The following SMC3 variants were observed in gnomAD, a reference collection of about 807,000 sequenced individuals.
The protein encoded by SMC3 is structural maintenance of chromosomes protein 3.
A neutral mutation model predicts 171.8 loss-of-function variants in SMC3; 20 were observed. That is an observed-to-expected ratio of 0.12 (90% CI 0.08 to 0.17). The LOEUF (loss-of-function observed/expected upper bound fraction) is 0.17. Ranked by LOEUF, SMC3 falls within the 10% of genes least tolerant of loss-of-function variation. The pLI, the probability that SMC3 is intolerant of heterozygous loss-of-function variation, is 1.00. For synonymous variants in SMC3, 464 were observed against 451.1 expected (o/e 1.03, Z -0.36); for missense variants, 543 against 1,420.4 (o/e 0.38, Z 9.93).
intron 13 of SMC3, among the ~76,000 whole-genome samples, chr10:110,587,705 AAG>A (rs1491221685): frequency 6.7e-6 from 1 of 149,356 alleles, no homozygotes; most frequent in South Asian, 2.2e-4. Context: ...AAAAAAAAAA[AAG>A]AAATATTGTA....
At chr10:110,590,326 A>G (rs1444600476) in intron 15 of SMC3, 86 bp from the exon 16 acceptor site, 1 of 1,146,946 alleles carries the variant, frequency 8.7e-7, no homozygotes, top group Non-Finnish European at 1.3e-6. Flanking sequence ...TATATTTTTA[A>G]AATGTATGGT....
intron 16 of SMC3, 39 bp from the exon 17 acceptor site, chr10:110,590,952 A>T (rs756990606): frequency 6.3e-7 from 1 of 1,598,940 alleles, no homozygotes. Flanking sequence ...GGAGACCCTG[A>T]GTACCAATAA....
At position 110,602,986 on chromosome 10, in the gene SMC3, C is replaced by T. The variant is rs745460340; in HGVS notation, c.3459C>T (p.His1153=). The change falls in exon 27 of 29, where the codon CAC becomes CAT. Residue 1153 remains histidine, a synonymous_variant. Transcript: ENST00000361804. ...DEIDQALDAQ[H]RKAVSDMIME... ...TTGACCAGGCTCTGGATGCTCAGCACAGAAAGGCTGTGTCAGGTACAGTTT... is the reference window on the plus strand; with the variant it reads ...TTGACCAGGCTCTGGATGCTCAGCATAGAAAGGCTGTGTCAGGTACAGTTT... 2 of 1,614,096 alleles carry T rather than the reference C, an allele frequency of 1.2e-6. No individual in the cohort carries two copies. The highest frequency in any genetic ancestry group is 2.2e-5 in the East Asian group (1 of 44,870).
chr10:110,570,850 GA>G (rs2134710225), intron 2 of SMC3, among the ~76,000 whole-genome samples: 1 of 152,262 alleles, frequency 6.6e-6, no homozygotes, highest in South Asian at 2.1e-4. Context: ...TAACAGTACT[GA>G]TTAAACATAT....
At chr10:110,590,758 T>C (rs576283618) in intron 16 of SMC3, among the ~76,000 whole-genome samples, 186 bp downstream of exon 16, 17 of 152,388 alleles carry the variant, frequency 1.1e-4, no homozygotes, top group Non-Finnish European at 2.4e-4. Flanking sequence ...CTTTCCTCTT[T>C]TGGGAGTTTC....
At chr10:110,603,342 TTG>T in intron 28 of SMC3, 52 bp downstream of exon 28, 1 of 1,139,192 alleles carries the variant, frequency 8.8e-7, no homozygotes, top group South Asian at 1.3e-5. Flanking sequence ...ATTATATTTG[TTG>T]AATTCTGATT....
chr10:110,596,649 T>C, intron 19 of SMC3, 99 bp downstream of exon 19: 1 of 1,175,916 alleles, frequency 8.5e-7, no homozygotes, highest in Non-Finnish European at 1.2e-6. Context: ...ATTAAAAATT[T>C]CTTGTGTTTT....
In SMC3 at chr10:110,603,448, G is replaced by GT. The variant is rs142390885; in HGVS notation, c.3582+161dup. The stretch of plus-strand genomic sequence containing the variant: ...AACTTTTCCTTCAAATAACTATGAA[G>GT]TTTAGCAGTATTTTATGGCGTTGCA... On this transcript the variant is annotated intron_variant, in intron 28 of 28. Coordinates refer to ENST00000361804, the MANE Select transcript of SMC3 (RefSeq NM_005445.4). Among the ~76,000 whole-genome samples, 9,062 of 152,222 alleles carry GT rather than the reference G, an allele frequency of 0.06. 356 individuals are homozygous for GT. Among genetic ancestry groups the GT allele is most frequent in the African/African-American group, 0.11 (4,446 of 41,530 alleles).
intron 2 of SMC3, among the ~76,000 whole-genome samples, chr10:110,570,453 C>CT (rs1226590120): frequency 3.3e-5 from 5 of 151,848 alleles, no homozygotes; most frequent in Admixed American, 3.3e-4. Flanking sequence ...TGCTTGTGCT[C>CT]TGTCTACTGA....
At chr10:110,589,844 TC>T in intron 14 of SMC3, 47 bp from the exon 15 acceptor site, 1 of 1,556,828 alleles carries the variant, frequency 6.4e-7, no homozygotes, top group Non-Finnish European at 8.9e-7. Context: ...TGTTAATGCA[TC>T]CTCATATGTG....
At chr10:110,571,634 C>G (rs1470917358) in intron 2 of SMC3, among the ~76,000 whole-genome samples, 2 of 152,124 alleles carry the variant, frequency 1.3e-5, no homozygotes, top group African/African-American at 4.8e-5. Flanking sequence ...TTGAATCTAC[C>G]AGAGGTATTA....
intron 13 of SMC3, among the ~76,000 whole-genome samples, chr10:110,585,309 A>G (rs12572340): frequency 0.19 from 25,951 of 133,844 alleles, 2,855 homozygotes; most frequent in African/African-American, 0.33. Flanking sequence ...TTTTTTTTTT[A>G]ATACGAGTCT....
At chr10:110,603,360 T>C (rs1861416365) in intron 28 of SMC3, 70 bp downstream of exon 28, 4 of 994,180 alleles carry the variant, frequency 4.0e-6, no homozygotes, top group Non-Finnish European at 6.2e-6. Flanking sequence ...TGATTTTATG[T>C]TACTTAAATA....
rs149434021 is a variant in SMC3 at position 110,599,453 on chromosome 10, TCTGCCCCACC to T, written c.2269-190_2269-181del. Among the ~76,000 whole-genome samples, 17,794 of 152,142 alleles carry T rather than the reference TCTGCCCCACC, an allele frequency of 0.12. 1,206 individuals are homozygous for T. Among genetic ancestry groups the T allele is most frequent in the East Asian group, 0.26 (1,339 of 5,152 alleles). On this transcript the variant is annotated intron_variant, in intron 20 of 28. Coordinates refer to ENST00000361804, the MANE Select transcript of SMC3 (RefSeq NM_005445.4). The stretch of plus-strand genomic sequence containing the variant: ...TGTATAGTTTAATCATGGAATATGA[TCTGCCCCACC>T]CTGCCCCACCTATACTATTACATCA...
intron 2 of SMC3, among the ~76,000 whole-genome samples, chr10:110,569,630 G>GA (rs113073452): frequency 3.7e-4 from 56 of 149,614 alleles, no homozygotes; most frequent in African/African-American, 1.2e-3. Flanking sequence ...TAACAACAAC[G>GA]AAAAAAAAAA....
chr10:110,590,375 T>C (rs1048736835), intron 15 of SMC3, 37 bp from the exon 16 acceptor site: 2 of 1,563,656 alleles, frequency 1.3e-6, no homozygotes, highest in Non-Finnish European at 1.8e-6. Flanking sequence ...CCATTGATGA[T>C]ATTATTTTAA....
chr10:110,583,719 A>C (rs1861065757), intron 11 of SMC3, 122 bp from the exon 12 acceptor site: 1 of 1,249,388 alleles, frequency 8.0e-7, no homozygotes. Flanking sequence ...TTCTTACATT[A>C]AAAAAGAGTT....
chr10:110,589,736 T>C (rs893873376), intron 14 of SMC3, 28 bp downstream of exon 14: 23 of 1,472,688 alleles, frequency 1.6e-5, no homozygotes, highest in Non-Finnish European at 2.2e-5. Context: ...TGTGCATTAA[T>C]GTTTTCAGTA....
In SMC3 at chr10:110,575,436, T is replaced by C. The variant is rs200332040; in HGVS notation, c.198+33T>C. ...AGACTGCTTTAAGACATTATTGATA[T>C]TACATATATTTTAAAAATAAATTTT... is the stretch of plus-strand genomic sequence containing the variant. On this transcript the variant is annotated intron_variant, in intron 4 of 28. Transcript: ENST00000361804. 5.5e-6 allele frequency: 8 copies of C among 1,443,884 alleles called. No individual in the cohort carries two copies. The African/African-American group carries it at 9.8e-5, about 18-fold the overall frequency. The allele number at this position is 1,443,884 out of a possible 1,614,324, so 89.4% of individuals were successfully genotyped here.
Sources: allele counts gnomAD v4.1 joint callset (sites outside exome capture counted in the v4.1 genomes callset), GRCh38; gene constraint gnomAD v4.1.1; transcripts MANE v1.5; gene names NCBI Gene and HGNC (gene_info 2026-07-23, HGNC 2026-07-21).